KCNMA1: variants seen among roughly 807,000 people sequenced by gnomAD.
KCNMA1 encodes the protein Calcium-activated potassium channel subunit alpha-1.
A neutral mutation model predicts 140.0 loss-of-function variants in KCNMA1; 29 were observed. The observed-to-expected ratio is 0.21, with a 90% CI of 0.15 to 0.28. KCNMA1 has a LOEUF of 0.28. Ranked by LOEUF, KCNMA1 falls within the 10% of genes least tolerant of loss-of-function variation. The probability of loss-of-function intolerance (pLI) is 1.00; values close to 1 mark genes in which losing one functional copy is unlikely to be tolerated. For synonymous variants in KCNMA1, 612 were observed against 611.9 expected, an observed-to-expected ratio of 1.00 and a Z score of 0.00; for missense variants, 880 against 1,602.2, an observed-to-expected ratio of 0.55 and a Z score of 7.70.
intron 1 of KCNMA1, among the ~76,000 whole-genome samples, chr10:77,454,753 T>G (rs2097728409): frequency 6.6e-6 from 1 of 152,222 alleles, no homozygotes; most frequent in Non-Finnish European, 1.5e-5. Context: ...AATGTCATGG[T>G]TGCAGCCTTC....
chr10:76,986,323 C>T (rs1212581792), intron 19 of KCNMA1, among the ~76,000 whole-genome samples: 1 of 152,262 alleles, frequency 6.6e-6, no homozygotes, highest in Admixed American at 6.5e-5. Context: ...AATCTCTTTA[C>T]ATTCAATTCT....
intron 19 of KCNMA1, chr10:76,980,307 A>G (rs776164556): frequency 2.0e-5 from 3 of 152,216 alleles, no homozygotes; most frequent in Non-Finnish European, 2.9e-5. Context: ...GAGCTTCTTG[A>G]GTCAGTCCAC....
chr10:76,917,802 G>A (rs564834690), intron 23 of KCNMA1, among the ~76,000 whole-genome samples: 2 of 152,220 alleles, frequency 1.3e-5, no homozygotes, highest in East Asian at 3.9e-4. Flanking sequence ...CTGGTGTAGA[G>A]TTATGTTAAA....
chr10:77,168,199 T>C (rs2098664970), intron 5 of KCNMA1, among the ~76,000 whole-genome samples: 1 of 152,174 alleles, frequency 6.6e-6, no homozygotes, highest in Non-Finnish European at 1.5e-5. Flanking sequence ...TCTTGCTGTA[T>C]CACTTGCTGA....
chr10:77,260,525 A>G (rs2061730617), intron 2 of KCNMA1, among the ~76,000 whole-genome samples: 1 of 152,168 alleles, frequency 6.6e-6, no homozygotes, highest in East Asian at 1.9e-4. Context: ...CCTGGGCAAC[A>G]TGGTGAAAAC....
intron 2 of KCNMA1, among the ~76,000 whole-genome samples, chr10:77,395,800 T>C (rs538252453): frequency 1.3e-5 from 2 of 152,350 alleles, no homozygotes; most frequent in South Asian, 4.1e-4. Flanking sequence ...TGAATATTTC[T>C]AGTAACAGGC....
intron 1 of KCNMA1, among the ~76,000 whole-genome samples, chr10:77,406,125 C>T (rs2096464304): frequency 6.6e-6 from 1 of 152,202 alleles, no homozygotes; most frequent in Admixed American, 6.5e-5. Context: ...ATGTGTGGGA[C>T]CTGCTGCCCA....
At chr10:77,100,369 G>T (rs143542898) in intron 9 of KCNMA1, among the ~76,000 whole-genome samples, 92 of 152,124 alleles carry the variant, frequency 6.0e-4, no homozygotes, top group African/African-American at 2.2e-3. Flanking sequence ...TGTTAGAAAG[G>T]TACAAGGAGG....
At chr10:77,445,072 G>A (rs2097497938) in intron 1 of KCNMA1, among the ~76,000 whole-genome samples, 1 of 152,126 alleles carries the variant, frequency 6.6e-6, no homozygotes, top group Non-Finnish European at 1.5e-5. Flanking sequence ...GACAGGGCCA[G>A]AATTCCAGAA....
rs1047838175 is a variant in KCNMA1 at position 77,119,599 on chromosome 10, T to C, written c.884+1374A>G. Among the ~76,000 whole-genome samples the C allele has an allele frequency of 2.0e-5, 3 of 152,216 alleles. No individual in the cohort carries two copies. The East Asian group carries it at 5.8e-4, about 29-fold the overall frequency. ...CGTTTACATTTCAAAAGTAATATGA[T>C]TCTAGCACATAGAAGAATAATTAAA... On this transcript the variant is annotated intron_variant, in intron 6 of 27. Coordinates refer to ENST00000286628, the MANE Select transcript of KCNMA1 (RefSeq NM_001161352.2).
intron 19 of KCNMA1, chr10:76,974,676 C>T (rs973385442): frequency 9.0e-6 from 7 of 781,872 alleles, no homozygotes; most frequent in Non-Finnish European, 1.5e-5. Context: ...TTGAATCAAA[C>T]TGGAAGTTTC....
chr10:77,370,842 A>T (rs901891523), intron 2 of KCNMA1, among the ~76,000 whole-genome samples: 2 of 152,190 alleles, frequency 1.3e-5, no homozygotes, highest in African/African-American at 4.8e-5. Flanking sequence ...TTGAAAAAGT[A>T]GAGTCACAGT....
At chr10:77,478,121 T>C (rs751050713) in intron 1 of KCNMA1, among the ~76,000 whole-genome samples, 1 of 152,240 alleles carries the variant, frequency 6.6e-6, no homozygotes, top group Non-Finnish European at 1.5e-5. Context: ...ATGAGCTTTA[T>C]GCTCTATGAA....
At position 77,576,540 on chromosome 10, in the gene KCNMA1, G is replaced by A. The variant is rs543316084; in HGVS notation, c.378+60725C>T. ...CGTGACATTTAAGTCCCCTCCACTG[G>A]AGACGTGCTTCCTAAGTGTCCACCA... is the stretch of plus-strand genomic sequence containing the variant. On this transcript the variant is annotated intron_variant, in intron 1 of 27. Coordinates refer to ENST00000286628, the MANE Select transcript of KCNMA1 (RefSeq NM_001161352.2). Among the ~76,000 whole-genome samples the A allele has an allele frequency of 3.3e-5, 5 of 152,124 alleles. No homozygotes were observed. The South Asian group carries it at 1.0e-3, about 32-fold the overall frequency.
chr10:77,232,895 T>C (rs1480908173), intron 3 of KCNMA1, among the ~76,000 whole-genome samples: 1 of 151,586 alleles, frequency 6.6e-6, no homozygotes, highest in Non-Finnish European at 1.5e-5. Context: ...CATTTTTTTT[T>C]TTTTTTTTTG....
chr10:76,875,458 A>G (rs2032207280), downstream of KCNMA1: 1 of 152,136 alleles, frequency 6.6e-6, no homozygotes, highest in Admixed American at 6.6e-5. Context: ...CCACAAATGC[A>G]TCGGTGGATG....
chr10:77,573,790 T>C (rs2072911813), intron 1 of KCNMA1, among the ~76,000 whole-genome samples: 1 of 151,750 alleles, frequency 6.6e-6, no homozygotes, highest in East Asian at 1.9e-4. Flanking sequence ...AGACTCACCC[T>C]GTATACCTGT....
At chr10:77,549,852 G>A (rs901386091) in intron 1 of KCNMA1, among the ~76,000 whole-genome samples, 2 of 152,232 alleles carry the variant, frequency 1.3e-5, no homozygotes, top group African/African-American at 4.8e-5. Flanking sequence ...CTAAATACGT[G>A]AGAAATTCTC....
rs2071492422 is a variant in KCNMA1 at position 76,961,653 on chromosome 10, T to C, written c.2361-7729A>G. 2.0e-5 allele frequency among the ~76,000 whole-genome samples: 3 copies of C among 152,170 alleles called. No individual in the cohort carries two copies. In the South Asian group the frequency reaches 6.2e-4, roughly 31 times the overall value. ...GATGCAGCAATCTTCATTGTTGTCT[T>C]ATTTTAAGAAATTGTCGCAGCCACC... On this transcript the variant is annotated intron_variant, in intron 20 of 27. Transcript: ENST00000286628.
Sources: gnomAD v4.1 joint callset for allele counts (sites outside exome capture counted in the v4.1 genomes callset) on GRCh38, gnomAD v4.1.1 for gene constraint, MANE v1.5 for transcripts, NCBI Gene and HGNC (gene_info 2026-07-23, HGNC 2026-07-21) for gene names.